Variants in GRIN2B observed in about 807,000 individuals in gnomAD.
GRIN2B encodes glutamate ionotropic receptor NMDA type subunit 2B, also known as glutamate receptor ionotropic, NMDA 2B.
GRIN2B carries 5 observed loss-of-function variants against 114.5 expected under a neutral mutation model. The observed-to-expected ratio is 0.04, with a 90% CI of 0.02 to 0.09. The LOEUF (loss-of-function observed/expected upper bound fraction) is 0.09. Ranked by LOEUF, GRIN2B falls within the 10% of genes least tolerant of loss-of-function variation. The pLI, the probability that GRIN2B is intolerant of heterozygous loss-of-function variation, is 1.00. For missense variants in GRIN2B, 1,108 were observed against 1,943.5 expected (o/e 0.57, Z 8.08); for synonymous variants, 787 against 745.1 (o/e 1.06, Z -0.92).
At chr12:13,927,565 T>C (rs1402968606) in intron 2 of GRIN2B, among the ~76,000 whole-genome samples, 1 of 152,098 alleles carries the variant, frequency 6.6e-6, no homozygotes, top group East Asian at 1.9e-4. Context: ...GCCTACAGAC[T>C]GTAGTTTGCC....
chr12:13,770,879 C>T (rs1389264108), intron 3 of GRIN2B, among the ~76,000 whole-genome samples: 1 of 152,302 alleles, frequency 6.6e-6, no homozygotes, highest in East Asian at 1.9e-4. Flanking sequence ...GGGCACCAGC[C>T]TCCAGAAACC....
intron 5 of GRIN2B, among the ~76,000 whole-genome samples, chr12:13,627,171 T>C (rs1457258259): frequency 6.6e-6 from 1 of 152,016 alleles, no homozygotes; most frequent in African/African-American, 2.4e-5. Context: ...GAAAAGTAAA[T>C]ACAAGTGAGA....
At chr12:13,895,536 T>C (rs894448789) in intron 2 of GRIN2B, among the ~76,000 whole-genome samples, 4 of 152,192 alleles carry the variant, frequency 2.6e-5, no homozygotes, top group African/African-American at 9.7e-5. Context: ...GTTAGTGTTT[T>C]AAGATCAAAA....
chr12:13,550,171 G>C lies in GRIN2B; in HGVS notation c.*12612C>G, dbSNP rs568352674. The C allele has an allele frequency of 6.6e-6, 1 of 152,162 alleles. No homozygotes were observed. Among genetic ancestry groups the C allele is most frequent in the African/African-American group, 2.4e-5 (1 of 41,424 alleles). 9.4% of individuals were successfully genotyped at this position (152,162 alleles called of 1,614,324 possible). A position where few individuals can be genotyped will look rare whatever the true frequency, so the allele number is the denominator to read the frequency against. ...TTTCCAAGTCAAAGGAGGTTATTTG[G>C]AGAAGTGGTTATGGTAAATTCTTCT... On this transcript the variant is annotated 3_prime_UTR_variant, in exon 14 of 14. Coordinates refer to ENST00000609686, the MANE Select transcript of GRIN2B (RefSeq NM_000834.5).
At chr12:13,842,887 C>T (rs561674430) in intron 3 of GRIN2B, among the ~76,000 whole-genome samples, 2 of 145,670 alleles carry the variant, frequency 1.4e-5, no homozygotes, top group South Asian at 4.4e-4. Context: ...TGATTAGTTG[C>T]TCATTGGAAT....
At chr12:13,770,133 T>C (rs1160713627) in intron 3 of GRIN2B, among the ~76,000 whole-genome samples, 2 of 152,200 alleles carry the variant, frequency 1.3e-5, no homozygotes, top group Non-Finnish European at 1.5e-5. Context: ...AAAGGCCAGA[T>C]TCACCAGTAT....
At chr12:13,621,607 GTTTTTGTTTTTTTTTT>G (rs1271965761) in intron 5 of GRIN2B, among the ~76,000 whole-genome samples, 1 of 27,692 alleles carries the variant, frequency 3.6e-5, no homozygotes, top group African/African-American at 1.4e-4. Flanking sequence ...AAATTGCCTA[GTTTTTGTTTTTTTTTT>G]TTTTTTTTTT....
At chr12:13,670,994 T>C (rs1299205163) in intron 5 of GRIN2B, among the ~76,000 whole-genome samples, 1 of 152,084 alleles carries the variant, frequency 6.6e-6, no homozygotes, top group Non-Finnish European at 1.5e-5. Context: ...ATGTTTGGAG[T>C]ATTTTCAGAG....
intron 2 of GRIN2B, among the ~76,000 whole-genome samples, chr12:13,906,388 C>T (rs1338533240): frequency 6.6e-6 from 1 of 152,174 alleles, no homozygotes; most frequent in Non-Finnish European, 1.5e-5. Flanking sequence ...TTTCCATCTC[C>T]TCTCATATCC....
At chr12:13,644,586 T>A (rs946411658) in intron 5 of GRIN2B, among the ~76,000 whole-genome samples, 1 of 151,538 alleles carries the variant, frequency 6.6e-6, no homozygotes, top group African/African-American at 2.4e-5. Context: ...AAGCCAGGCA[T>A]TGACTTCTCT....
chr12:13,840,173 T>G (rs918870545), intron 3 of GRIN2B, among the ~76,000 whole-genome samples: 3 of 152,174 alleles, frequency 2.0e-5, no homozygotes, highest in Non-Finnish European at 4.4e-5. Context: ...GCCTCTCAGT[T>G]CTGCCCCACC....
intron 3 of GRIN2B, among the ~76,000 whole-genome samples, chr12:13,848,593 T>C (rs1419400424): frequency 6.6e-6 from 1 of 152,056 alleles, no homozygotes; most frequent in Non-Finnish European, 1.5e-5. Flanking sequence ...ACCATCAAGA[T>C]CAAGATCACA....
chr12:13,936,560 A>G (rs1867133462), intron 2 of GRIN2B, among the ~76,000 whole-genome samples: 1 of 152,232 alleles, frequency 6.6e-6, no homozygotes, highest in South Asian at 2.1e-4. Flanking sequence ...CAAGGTGATC[A>G]GCCAGTATTT....
intron 4 of GRIN2B, among the ~76,000 whole-genome samples, chr12:13,749,277 G>T (rs924732834): frequency 6.6e-6 from 1 of 152,160 alleles, no homozygotes; most frequent in African/African-American, 2.4e-5. Flanking sequence ...CATCCCCTAA[G>T]TGTAGACTTA....
At chr12:13,979,722 G>T (rs1591651560) in intron 2 of GRIN2B, among the ~76,000 whole-genome samples, 1 of 151,924 alleles carries the variant, frequency 6.6e-6, no homozygotes, top group African/African-American at 2.4e-5. Context: ...CCCCCCAAAA[G>T]CCCAAAACCT....
chr12:13,744,248 T>C (rs1863334902), intron 4 of GRIN2B, among the ~76,000 whole-genome samples: 1 of 152,222 alleles, frequency 6.6e-6, no homozygotes, highest in Non-Finnish European at 1.5e-5. Flanking sequence ...CTATCCCATA[T>C]TCAACCTTTC....
chr12:13,848,525 A>C lies in GRIN2B; in HGVS notation c.411+17273T>G, dbSNP rs139321978. On this transcript the variant is annotated intron_variant, in intron 3 of 13. Transcript: ENST00000609686. The stretch of plus-strand genomic sequence containing the variant: ...ATGACAGAAAAGAACATGGAAAAGG[A>C]AGGAAAAAATGGTTAAAAGTAGATT... Among the ~76,000 whole-genome samples, 159 of 152,296 alleles carry C rather than the reference A, an allele frequency of 1.0e-3. 4 individuals are homozygous for C. The highest frequency in any genetic ancestry group is 1.8e-3 in the Non-Finnish European group (124 of 68,012).
At chr12:13,644,223 A>G (rs1307819843) in intron 5 of GRIN2B, among the ~76,000 whole-genome samples, 1 of 152,150 alleles carries the variant, frequency 6.6e-6, no homozygotes, top group Non-Finnish European at 1.5e-5. Context: ...TGTTGAATGA[A>G]TATTGTGTTG....
At chr12:13,879,725 G>T (rs977539693) in intron 2 of GRIN2B, among the ~76,000 whole-genome samples, 1 of 152,218 alleles carries the variant, frequency 6.6e-6, no homozygotes, top group Non-Finnish European at 1.5e-5. Flanking sequence ...TGGCAAGGGG[G>T]ACAGGCCGGT....
Sources: allele counts gnomAD v4.1 joint callset (sites outside exome capture counted in the v4.1 genomes callset), GRCh38; gene constraint gnomAD v4.1.1; transcripts MANE v1.5; gene names NCBI Gene and HGNC (gene_info 2026-07-23, HGNC 2026-07-21).